The following CNOT1 variants were observed in gnomAD, a reference collection of about 807,000 sequenced individuals.
CNOT1 encodes the protein CCR4-associated factor 1.
Under a neutral mutation model 273.8 loss-of-function variants are expected in CNOT1, and 15 were observed. The ratio of observed to expected loss-of-function variants is 0.05; its 90% CI spans 0.04 to 0.08. The LOEUF is 0.08. Among genes scored for constraint, CNOT1 ranks in the 10% least tolerant of loss-of-function variants. The pLI is 1.00. For missense variants in CNOT1, 1,644 were observed against 2,912.2 expected (o/e 0.56, Z 10.02); for synonymous variants, 1,022 against 1,005.5 (o/e 1.02, Z -0.31).
Position 58,528,555 on chromosome 16 carries a change from A to T in CNOT1, c.6373T>A (p.Cys2125Ser), listed in dbSNP as rs1248876005. 3 of 1,613,360 alleles carry T rather than the reference A, an allele frequency of 1.9e-6. No individual in the cohort carries two copies. Among genetic ancestry groups the T allele is most frequent in the Non-Finnish European group, 2.5e-6 (3 of 1,179,288 alleles). ...YGFCDVIPPN[C>S]IQLRNLILSA... is the part of the protein sequence containing the mutation. ...AGGATCAAATTTCTTAACTGGATAC[A>T]ATTAGGTGGGATCACATCACAGAAC... The change falls in exon 44 of 49, where the codon TGT becomes AGT. Residue 2125 changes from cysteine (C) to serine (S), a missense_variant. By Grantham distance (112) the Cys-to-Ser change is moderately radical. Coordinates refer to ENST00000317147, the MANE Select transcript of CNOT1 (RefSeq NM_016284.5).
intron 19 of CNOT1, 133 bp from the exon 20 acceptor site, chr16:58,556,041 G>T: frequency 2.8e-6 from 4 of 1,448,104 alleles, no homozygotes; most frequent in Non-Finnish European, 3.6e-6. Flanking sequence ...GGTATTAAGC[G>T]GTCAAGTTTC....
chr16:58,554,495 T>G (rs1297724259), intron 21 of CNOT1, among the ~76,000 whole-genome samples: 1 of 152,208 alleles, frequency 6.6e-6, no homozygotes, highest in Non-Finnish European at 1.5e-5. Context: ...TTGATTGTGG[T>G]GGTAGTTACA....
At position 58,621,351 on chromosome 16, in the gene CNOT1, G is replaced by A. The variant is rs1049262299; in HGVS notation, c.-175+8377C>T. On this transcript the variant is annotated intron_variant, in intron 1 of 48. Transcript: ENST00000317147. ...TGCAATGGTGCAATCTCGGCTCACC[G>A]CAACCTCCACCTCCCAGGGTCCAGC... 7.2e-5 allele frequency among the ~76,000 whole-genome samples: 11 copies of A among 152,008 alleles called. No individual in the cohort carries two copies. In the East Asian group the frequency reaches 1.8e-3, roughly 24 times the overall value.
At chr16:58,603,760 G>C (rs1260331058) in intron 1 of CNOT1, among the ~76,000 whole-genome samples, 1 of 152,004 alleles carries the variant, frequency 6.6e-6, no homozygotes, top group Non-Finnish European at 1.5e-5. Flanking sequence ...CTCTCTTTAA[G>C]TCTTTACTCA....
At chr16:58,587,175 T>C (rs1029207436) in intron 6 of CNOT1, 26 bp downstream of exon 6, 10 of 1,609,040 alleles carry the variant, frequency 6.2e-6, no homozygotes, top group Non-Finnish European at 7.6e-6. Context: ...TCTCACTTCG[T>C]GATATTTTTG....
intron 37 of CNOT1, 28 bp downstream of exon 37, chr16:58,538,130 T>G: frequency 6.2e-7 from 1 of 1,610,454 alleles, no homozygotes; most frequent in Non-Finnish European, 8.5e-7. Context: ...TGAGTCCTTT[T>G]GTCCGTGCAA....
intron 34 of CNOT1, 32 bp downstream of exon 34, chr16:58,541,469 A>G (rs778551799): frequency 5.6e-6 from 9 of 1,595,630 alleles, no homozygotes; most frequent in Non-Finnish European, 7.7e-6. Flanking sequence ...ATTAATTGGC[A>G]AAACACTCAA....
intron 1 of CNOT1, among the ~76,000 whole-genome samples, chr16:58,628,557 A>G (rs1246258385): frequency 6.6e-6 from 1 of 150,860 alleles, no homozygotes; most frequent in Admixed American, 6.7e-5. Flanking sequence ...AACGTTCGGC[A>G]TTGTTTCAAA....
At chr16:58,585,897 G>A (rs537744740) in intron 7 of CNOT1, among the ~76,000 whole-genome samples, 2 of 152,194 alleles carry the variant, frequency 1.3e-5, no homozygotes, top group South Asian at 4.2e-4. Flanking sequence ...TAGTGAGAAT[G>A]TTAATGTACA....
intron 33 of CNOT1, 52 bp downstream of exon 33, chr16:58,542,179 A>G (rs1408428003): frequency 2.5e-6 from 4 of 1,599,598 alleles, no homozygotes; most frequent in Non-Finnish European, 3.4e-6. Flanking sequence ...CAACAACAAC[A>G]TTAAAAATAA....
chr16:58,543,733 T>G lies in CNOT1; in HGVS notation c.4308A>C (p.Arg1436=). 1 of 1,614,154 alleles carries G rather than the reference T, an allele frequency of 6.2e-7. No homozygotes were observed. Among genetic ancestry groups the G allele is most frequent in the Non-Finnish European group, 8.5e-7 (1 of 1,180,024 alleles). Residue 1436 remains arginine (R), a synonymous_variant, in exon 31 of 49, where the codon CGA becomes CGC. Coordinates refer to ENST00000317147, the MANE Select transcript of CNOT1 (RefSeq NM_016284.5). The stretch of plus-strand genomic sequence containing the variant: ...TCATGTGATGAGCTGCTATTCGCAT[T>G]CGAGATTCCTCCGAATCCAGGGCAA... ...KDFALDSEES[R]MRIAAHHMMR... is the part of the protein sequence containing the mutation.
intron 1 of CNOT1, among the ~76,000 whole-genome samples, chr16:58,603,407 A>ATGTGTGTGTGTGTG (rs2042543737): frequency 1.6e-5 from 2 of 126,292 alleles, no homozygotes; most frequent in Admixed American, 8.1e-5. Context: ...TACAATTTAA[A>ATGTGTGTGTGTGTG]AGTGTGTGTG....
chr16:58,543,604 T>C lies in CNOT1; in HGVS notation c.4434+3A>G, dbSNP rs1343677104. ...ACCTATACCAAGGAAATAGCCAACT[T>C]ACACGAAGGGCTGAGGCAAAACTGT... On this transcript the variant is annotated splice_donor_region_variant and intron_variant, in intron 31 of 48. Coordinates refer to ENST00000317147, the MANE Select transcript of CNOT1 (RefSeq NM_016284.5). 2 of 1,614,062 alleles carry C rather than the reference T, an allele frequency of 1.2e-6. No individual in the cohort carries two copies. Among genetic ancestry groups the C allele is most frequent in the Non-Finnish European group, 1.7e-6 (2 of 1,180,030 alleles).
chr16:58,574,568 T>C (rs759257290), intron 16 of CNOT1, 41 bp downstream of exon 16: 1 of 1,526,548 alleles, frequency 6.6e-7, no homozygotes. Context: ...ATTCATATAA[T>C]CCAATTCAAA....
At position 58,537,151 on chromosome 16, in the gene CNOT1, T is replaced by C. The variant is rs1474203066; in HGVS notation, c.5484A>G (p.Pro1828=). ...AGATCCCAGAATGCATCATAAAGTT[T>C]GGGCCTCCATGAGCACGATCAATCA... ...EAMIDRAHGG[P]NFMMHSGISQ... is the part of the protein sequence containing the mutation. The change falls in exon 39 of 49, where the codon CCA becomes CCG. Residue 1828 remains proline, a synonymous_variant. Transcript: ENST00000317147. 6.2e-7 allele frequency: 1 copy of C among 1,614,094 alleles called. No homozygotes were observed. The highest frequency in any genetic ancestry group is 1.7e-5 in the Admixed American group (1 of 59,998).
rs557187494 is a variant in CNOT1 at position 58,602,760 on chromosome 16, T to A, written c.-174-3249A>T. Among the ~76,000 whole-genome samples, 347 of 151,516 alleles carry A rather than the reference T, an allele frequency of 2.3e-3. 1 individual carries two copies. Among genetic ancestry groups the A allele is most frequent in the African/African-American group, 7.9e-3 (325 of 41,364 alleles). On this transcript the variant is annotated intron_variant, in intron 1 of 48. Transcript: ENST00000317147. ...AAATAAAATAAAATAATAAAAAAAATTTTTTTAAAAAGAAAAAACCATCTA... is the reference window on the plus strand; with the variant it reads ...AAATAAAATAAAATAATAAAAAAAAATTTTTTAAAAAGAAAAAACCATCTA...
chr16:58,528,354 A>G (rs770207635), intron 44 of CNOT1, 121 bp downstream of exon 44: 1 of 744,312 alleles, frequency 1.3e-6, no homozygotes, highest in Non-Finnish European at 2.4e-6. Flanking sequence ...TCCTTTAAAG[A>G]GTACCCTTAA....
At chr16:58,557,111 T>TAA in intron 18 of CNOT1, 118 bp from the exon 19 acceptor site, 1 of 1,329,686 alleles carries the variant, frequency 7.5e-7, no homozygotes, top group Non-Finnish European at 9.9e-7. Flanking sequence ...ACTCTTACTT[T>TAA]AAAAGTCAGA....
chr16:58,612,576 TA>T (rs202096643), intron 1 of CNOT1, among the ~76,000 whole-genome samples: 2,272 of 152,110 alleles, frequency 0.015, 44 homozygotes, highest in African/African-American at 0.052. Flanking sequence ...CCATCTCTAC[TA>T]AAAGTACAAA....
Sources: allele counts gnomAD v4.1 joint callset (sites outside exome capture counted in the v4.1 genomes callset), GRCh38; gene constraint gnomAD v4.1.1; transcripts MANE v1.5; gene names NCBI Gene and HGNC (gene_info 2026-07-23, HGNC 2026-07-21).